Variants in KIF7 observed in about 807,000 individuals in gnomAD.
KIF7 encodes kinesin-like protein KIF7.
KIF7 carries 104 observed loss-of-function variants against 135.7 expected under a neutral mutation model. The observed-to-expected ratio is 0.77, with a 90% CI of 0.65 to 0.90. The LOEUF (loss-of-function observed/expected upper bound fraction) is 0.90, where lower values mean the gene tolerates loss of function less well. Among genes scored for constraint, KIF7 ranks in the 40% least tolerant of loss-of-function variants. The pLI is 0.00. For missense variants in KIF7, 2,005 were observed against 1,839.1 expected (o/e 1.09, Z -1.65); for synonymous variants, 883 against 809.4 (o/e 1.09, Z -1.54).
At chr15:89,620,529 C>T (rs779422139) in intron 1 of KIF7, among the ~76,000 whole-genome samples, 4 of 151,890 alleles carry the variant, frequency 2.6e-5, no homozygotes, top group Admixed American at 2.0e-4. Context: ...TTTATATTTA[C>T]AAATTAAAGT....
chr15:89,639,331 A>T (rs1476005035), intron 11 of KIF7, among the ~76,000 whole-genome samples: 8 of 150,974 alleles, frequency 5.3e-5, no homozygotes, highest in Non-Finnish European at 8.9e-5. Context: ...CAGCAAAAGA[A>T]ACTACCATCA....
chr15:89,652,745 G>C lies in KIF7; in HGVS notation c.186C>G (p.Ala62=), dbSNP rs752512443. The C allele has an allele frequency of 1.9e-6, 3 of 1,551,684 alleles. No individual in the cohort carries two copies. The highest frequency in any genetic ancestry group is 4.9e-5 in the East Asian group (2 of 40,922). Residue 62 remains alanine (A), a synonymous_variant, in exon 2 of 19, where the codon GCC becomes GCG. Transcript: ENST00000394412. The part of the protein sequence containing the change: ...DRHFGFHVVL[A]EDAGQEAVYQ... The stretch of plus-strand genomic sequence containing the variant: ...ACACGGCCTCCTGCCCCGCATCCTC[G>C]GCCAGCACCACGTGGAAGCCAAAGT...
chr15:89,624,601 C>T (rs1203175336), downstream of KIF7: 4 of 1,613,722 alleles, frequency 2.5e-6, no homozygotes, highest in Non-Finnish European at 3.4e-6. Flanking sequence ...GAGCCTCTCT[C>T]CTCAGTCTCC....
At chr15:89,630,239 A>G (rs1463209535) in intron 16 of KIF7, 48 bp downstream of exon 16, 1 of 1,569,942 alleles carries the variant, frequency 6.4e-7, no homozygotes, top group Non-Finnish European at 8.8e-7. Flanking sequence ...ACACCTCCCC[A>G]CACGTGCCGC....
At chr15:89,657,501 C>G (rs1348712891), upstream of KIF7, among the ~76,000 whole-genome samples, 1 of 152,002 alleles carries the variant, frequency 6.6e-6, no homozygotes, top group East Asian at 1.9e-4. Context: ...GGTGGATGTG[C>G]AGTGTTTTTC....
chr15:89,647,716 T>C lies in KIF7; in HGVS notation c.1444-4A>G, dbSNP rs112333674. 6,146 of 1,559,788 alleles carry C rather than the reference T, an allele frequency of 3.9e-3. 220 individuals are homozygous for C. The African/African-American group carries it at 0.073, about 19-fold the overall frequency. ...GCTGCTGCGCCCCCTCATCCTCCTATAGGGCAGGGAGAGGGGCTTCAGGGG... is the reference window on the plus strand; with the variant it reads ...GCTGCTGCGCCCCCTCATCCTCCTACAGGGCAGGGAGAGGGGCTTCAGGGG... On this transcript the variant is annotated splice_region_variant and splice_polypyrimidine_tract_variant and intron_variant, in intron 5 of 18. Coordinates refer to ENST00000394412, the MANE Select transcript of KIF7 (RefSeq NM_198525.3).
downstream of KIF7, chr15:89,625,344 T>A: frequency 6.2e-7 from 1 of 1,613,774 alleles, no homozygotes; most frequent in Middle Eastern, 1.6e-4. Context: ...GGAAGACAAC[T>A]CCAGACATAA....
At chr15:89,619,742 G>T (rs754637449) in intron 1 of KIF7, 2 of 1,613,746 alleles carry the variant, frequency 1.2e-6, no homozygotes, top group Admixed American at 1.7e-5. Context: ...GAATCAAGCA[G>T]TTGTCATTTA....
At chr15:89,646,731 G>C in intron 7 of KIF7, 99 bp downstream of exon 7, 1 of 1,081,736 alleles carries the variant, frequency 9.2e-7, no homozygotes, top group Non-Finnish European at 1.4e-6. Flanking sequence ...TCCCATGAAA[G>C]CATGAGTGGG....
intron 2 of KIF7, among the ~76,000 whole-genome samples, chr15:89,617,523 C>G (rs1963354082): frequency 6.6e-6 from 1 of 152,024 alleles, no homozygotes; most frequent in Admixed American, 6.6e-5. Flanking sequence ...CACATTCTAA[C>G]CATCTCACTC....
At chr15:89,639,371 A>G (rs902751293) in intron 11 of KIF7, among the ~76,000 whole-genome samples, 1 of 146,510 alleles carries the variant, frequency 6.8e-6, no homozygotes, top group Non-Finnish European at 1.5e-5. Flanking sequence ...AAAATGGGAG[A>G]AAATTTCTGC....
At chr15:89,624,808 T>A (rs1160183574), downstream of KIF7, 12 of 1,614,024 alleles carry the variant, frequency 7.4e-6, no homozygotes, top group Non-Finnish European at 9.3e-6. Flanking sequence ...TGAGAAGTCT[T>A]CTCTGTCTCA....
In KIF7 at chr15:89,646,011, T is replaced by A. The variant is rs756170615; in HGVS notation, c.1804A>T (p.Arg602Trp). ...EQRGEQVTNG[R>W]EAGAELLTEV... ...GTCAGCAACTCAGCTCCAGCCTCCC[T>A]GCCATTTGTCACCTGCTAGGGGAGT... is the stretch of plus-strand genomic sequence containing the variant. Residue 602 changes from arginine (R) to tryptophan (W), a missense_variant, in exon 8 of 19, where the codon AGG (arginine) becomes TGG (tryptophan). Coordinates refer to ENST00000394412, the MANE Select transcript of KIF7 (RefSeq NM_198525.3). 8 of 1,613,828 alleles carry A rather than the reference T, an allele frequency of 5.0e-6. No homozygotes were observed. The Admixed American group carries it at 6.7e-5, about 13-fold the overall frequency.
chr15:89,641,528 G>A (rs904973166), intron 11 of KIF7, among the ~76,000 whole-genome samples: 10 of 152,222 alleles, frequency 6.6e-5, no homozygotes, highest in African/African-American at 1.7e-4. Flanking sequence ...CCAGCTAGGC[G>A]TGGTGGCTCA....
rs894763666 is a variant in KIF7 at position 89,648,674 on chromosome 15, A to G, written c.1024T>C (p.Tyr342His). The G allele has an allele frequency of 6.5e-7, 1 of 1,535,620 alleles. No individual in the cohort carries two copies. ...CGGATGTTCTGGGCGCGGCTGGCGT[A>G]GTTGAGGGTGTTGAGGGTCTCGTCG... ...DFDETLNTLN[Y>H]ASRAQNIRNR... The change falls in exon 5 of 19, where the codon TAC (tyrosine) becomes CAC (histidine). Residue 342 changes from tyrosine (Y) to histidine (H), a missense_variant. By Grantham distance (83) the Tyr-to-His change is moderately conservative (BLOSUM62 2). Coordinates refer to ENST00000394412, the MANE Select transcript of KIF7 (RefSeq NM_198525.3).
chr15:89,626,180 C>A, downstream of KIF7: 1 of 1,154,482 alleles, frequency 8.7e-7, no homozygotes, highest in Non-Finnish European at 1.2e-6. Flanking sequence ...GGATAGGTGA[C>A]TTCGCGCCTA....
intron 15 of KIF7, 125 bp downstream of exon 15, chr15:89,631,368 CAG>C: frequency 1.2e-6 from 1 of 819,004 alleles, no homozygotes; most frequent in South Asian, 1.8e-5. Flanking sequence ...CTCCACCTAA[CAG>C]TGAAAACTTG....
chr15:89,621,954 T>C (rs12899845), intron 1 of KIF7, among the ~76,000 whole-genome samples: 74,604 of 148,282 alleles, frequency 0.5, 19,393 homozygotes, highest in Non-Finnish European at 0.58. Context: ...ATCAGTCGAG[T>C]CCTGCCCATT....
Position 89,628,218 on chromosome 15 carries a change from G to T in KIF7, c.*201C>A. ...CCACAGCTTCATGGAAGTAAGTGGT[G>T]GGAATTTGCATATTATTTTGTTAAA... On this transcript the variant is annotated 3_prime_UTR_variant, in exon 19 of 19. Coordinates refer to ENST00000394412, the MANE Select transcript of KIF7 (RefSeq NM_198525.3). 1.7e-6 allele frequency: 1 copy of T among 573,198 alleles called. No individual in the cohort carries two copies. Among genetic ancestry groups the T allele is most frequent in the Non-Finnish European group, 3.0e-6 (1 of 335,644 alleles). 35.5% of individuals were successfully genotyped at this position (573,198 alleles called of 1,614,324 possible).
Sources: gnomAD v4.1 joint callset for allele counts (sites outside exome capture counted in the v4.1 genomes callset) on GRCh38, gnomAD v4.1.1 for gene constraint, MANE v1.5 for transcripts, NCBI Gene and HGNC (gene_info 2026-07-23, HGNC 2026-07-21) for gene names.